Variants in THSD7B observed in about 807,000 individuals in gnomAD.
The protein encoded by THSD7B is thrombospondin type-1 domain-containing protein 7B.
A neutral mutation model predicts 213.6 loss-of-function variants in THSD7B; 138 were observed. The observed-to-expected ratio is 0.65, with a 90% CI of 0.56 to 0.74. The LOEUF (loss-of-function observed/expected upper bound fraction) is 0.74. Ranked by LOEUF, THSD7B falls within the 30% of genes least tolerant of loss-of-function variation. THSD7B has a pLI of 0.00. For synonymous variants in THSD7B, 742 were observed against 687.0 expected, an observed-to-expected ratio of 1.08 and a Z score of -1.25; for missense variants, 1,931 against 1,991.5, an observed-to-expected ratio of 0.97 and a Z score of 0.58.
chr2:137,012,434 A>G (rs565015855), intron 2 of THSD7B, among the ~76,000 whole-genome samples: 1 of 152,226 alleles, frequency 6.6e-6, no homozygotes, highest in African/African-American at 2.4e-5. Flanking sequence ...AGGACAATGT[A>G]TGGAAAGATG....
chr2:137,444,759 T>C (rs888186422), intron 14 of THSD7B, among the ~76,000 whole-genome samples: 1 of 151,834 alleles, frequency 6.6e-6, no homozygotes, highest in Admixed American at 6.6e-5. Flanking sequence ...AAGGCAAAAA[T>C]GGACAAATGG....
At chr2:137,365,629 C>G (rs1685389377) in intron 12 of THSD7B, among the ~76,000 whole-genome samples, 1 of 152,180 alleles carries the variant, frequency 6.6e-6, no homozygotes, top group South Asian at 2.1e-4. Flanking sequence ...AGCCAACAGA[C>G]ACATGGAAAA....
intron 7 of THSD7B, among the ~76,000 whole-genome samples, chr2:137,178,269 G>A (rs1270942295): frequency 6.6e-6 from 1 of 151,788 alleles, no homozygotes; most frequent in African/African-American, 2.4e-5. Flanking sequence ...TCTCTTGCAG[G>A]AACAGAAGAC....
chr2:137,506,588 A>C (rs1477871345), intron 15 of THSD7B, among the ~76,000 whole-genome samples: 1 of 152,228 alleles, frequency 6.6e-6, no homozygotes, highest in Non-Finnish European at 1.5e-5. Flanking sequence ...CACATAGATA[A>C]CTACTCAGGA....
intron 15 of THSD7B, among the ~76,000 whole-genome samples, chr2:137,457,790 T>C (rs1687791434): frequency 6.6e-6 from 1 of 152,168 alleles, no homozygotes; most frequent in Admixed American, 6.5e-5. Flanking sequence ...AAATTTTTTA[T>C]ACTAAATGTA....
intron 5 of THSD7B, among the ~76,000 whole-genome samples, chr2:137,144,475 A>G (rs1354148307): frequency 6.6e-6 from 1 of 152,096 alleles, no homozygotes; most frequent in Non-Finnish European, 1.5e-5. Context: ...GGTCAGCTGG[A>G]CAGATACAGT....
At chr2:137,474,695 T>G (rs1212523964) in intron 15 of THSD7B, among the ~76,000 whole-genome samples, 1 of 152,212 alleles carries the variant, frequency 6.6e-6, no homozygotes, top group African/African-American at 2.4e-5. Context: ...GGCCTAGGCA[T>G]GGAATCCAAT....
chr2:137,529,051 A>G (rs998487458), intron 15 of THSD7B, among the ~76,000 whole-genome samples: 1 of 152,094 alleles, frequency 6.6e-6, no homozygotes, highest in Admixed American at 6.6e-5. Flanking sequence ...TTGGCAAACT[A>G]CTACTTATGG....
chr2:137,062,545 G>A (rs574198714), intron 3 of THSD7B, among the ~76,000 whole-genome samples: 4 of 151,524 alleles, frequency 2.6e-5, no homozygotes, highest in Non-Finnish European at 3.0e-5. Flanking sequence ...AAATATTTTT[G>A]CATTTCTCTT....
intron 10 of THSD7B, among the ~76,000 whole-genome samples, chr2:137,272,021 T>C (rs1163843794): frequency 6.6e-6 from 1 of 152,072 alleles, no homozygotes; most frequent in Non-Finnish European, 1.5e-5. Context: ...ATATATATGG[T>C]TATAAGGTTA....
At chr2:137,373,050 G>T (rs1573990729) in intron 12 of THSD7B, among the ~76,000 whole-genome samples, 1 of 151,846 alleles carries the variant, frequency 6.6e-6, no homozygotes, top group Non-Finnish European at 1.5e-5. Context: ...TGGCTGCATA[G>T]TATTCCATGG....
At chr2:137,005,625 A>C (rs191095800) in intron 2 of THSD7B, among the ~76,000 whole-genome samples, 1 of 152,332 alleles carries the variant, frequency 6.6e-6, no homozygotes, top group East Asian at 1.9e-4. Flanking sequence ...CATGAATTTA[A>C]AGTTAGCCTA....
chr2:137,301,244 T>C (rs1377439), intron 12 of THSD7B, among the ~76,000 whole-genome samples: 9,367 of 152,106 alleles, frequency 0.062, 540 homozygotes, highest in African/African-American at 0.14. Flanking sequence ...GGTTCCCAGG[T>C]GACTGGCTGT....
chr2:137,500,704 T>C (rs1332574396), intron 15 of THSD7B, among the ~76,000 whole-genome samples: 5 of 152,206 alleles, frequency 3.3e-5, no homozygotes, highest in African/African-American at 1.2e-4. Context: ...GCTCCTAATA[T>C]GGAATCTGAC....
At chr2:137,201,298 C>T (rs1012271539) in intron 7 of THSD7B, among the ~76,000 whole-genome samples, 1 of 152,094 alleles carries the variant, frequency 6.6e-6, no homozygotes, top group Non-Finnish European at 1.5e-5. Flanking sequence ...TGCACACGCA[C>T]CACATTTTCA....
Position 137,332,218 on chromosome 2 carries a change from G to A in THSD7B, c.2500+56192G>A, listed in dbSNP as rs960510402. 4.6e-5 allele frequency among the ~76,000 whole-genome samples: 7 copies of A among 152,172 alleles called. No individual in the cohort carries two copies. The South Asian group carries it at 1.4e-3, about 31-fold the overall frequency. ...GTACCCTGCAAAGCCACGGGACAGAGCAGCTGAAGGCCATTGGAGCCTACC... is the reference window on the plus strand; with the variant it reads ...GTACCCTGCAAAGCCACGGGACAGAACAGCTGAAGGCCATTGGAGCCTACC... On this transcript the variant is annotated intron_variant, in intron 12 of 27. Coordinates refer to ENST00000409968, the MANE Select transcript of THSD7B (RefSeq NM_001316349.2).
chr2:137,672,217 T>C (rs1373490648), intron 27 of THSD7B, among the ~76,000 whole-genome samples: 1 of 152,198 alleles, frequency 6.6e-6, no homozygotes, highest in African/African-American at 2.4e-5. Context: ...CATTGCCTTA[T>C]TCAATCATAA....
At chr2:136,826,527 C>T (rs377595085) in intron 1 of THSD7B, among the ~76,000 whole-genome samples, 1 of 152,156 alleles carries the variant, frequency 6.6e-6, no homozygotes, top group Non-Finnish European at 1.5e-5. Flanking sequence ...CTGGGTTTTC[C>T]GGCTTCAGGC....
chr2:137,103,074 A>C (rs1688181096), intron 4 of THSD7B, among the ~76,000 whole-genome samples: 2 of 152,160 alleles, frequency 1.3e-5, no homozygotes, highest in Non-Finnish European at 2.9e-5. Context: ...CAACCCCAAG[A>C]CACAAAATCG....
Sources: gnomAD v4.1 joint callset for allele counts (sites outside exome capture counted in the v4.1 genomes callset) on GRCh38, gnomAD v4.1.1 for gene constraint, MANE v1.5 for transcripts, NCBI Gene and HGNC (gene_info 2026-07-23, HGNC 2026-07-21) for gene names.